The following UST variants were observed in gnomAD, a reference collection of about 807,000 sequenced individuals.
UST encodes the protein chondroitin sulfate 2-O-sulfotransferase.
In UST, 21 loss-of-function variants were observed where a neutral mutation model predicts 45.6. The observed-to-expected ratio is 0.46, with a 90% confidence interval of 0.33 to 0.66. UST has a LOEUF of 0.66. UST is among the 30% of genes least tolerant of loss of function. The pLI, the probability that UST is intolerant of heterozygous loss-of-function variation, is 0.02. For missense variants in UST, 463 were observed against 512.4 expected (o/e 0.90, Z 0.93); for synonymous variants, 215 against 200.6 (o/e 1.07, Z -0.61).
chr6:148,883,189 G>A (rs540679887), intron 1 of UST, among the ~76,000 whole-genome samples: 1 of 152,220 alleles, frequency 6.6e-6, no homozygotes, highest in Non-Finnish European at 1.5e-5. Flanking sequence ...GTGATACACT[G>A]TTCTCTTATT....
chr6:149,013,594 T>C (rs1198623664), intron 5 of UST, among the ~76,000 whole-genome samples: 1 of 152,158 alleles, frequency 6.6e-6, no homozygotes, highest in African/African-American at 2.4e-5. Flanking sequence ...ACTGAGATTA[T>C]GTAGCTGAGA....
At chr6:148,832,845 T>G (rs1332313347) in intron 1 of UST, among the ~76,000 whole-genome samples, 1 of 152,244 alleles carries the variant, frequency 6.6e-6, no homozygotes, top group Non-Finnish European at 1.5e-5. Flanking sequence ...TATTATATTC[T>G]TTGATTTGTT....
chr6:148,833,263 G>T (rs149753044), intron 1 of UST, among the ~76,000 whole-genome samples: 1 of 152,170 alleles, frequency 6.6e-6, no homozygotes, highest in South Asian at 2.1e-4. Context: ...CAGGGCGGAC[G>T]GATTGCTCGA....
At chr6:148,864,152 C>A (rs1458065245) in intron 1 of UST, among the ~76,000 whole-genome samples, 2 of 152,168 alleles carry the variant, frequency 1.3e-5, no homozygotes, top group Non-Finnish European at 2.9e-5. Context: ...TGGGCTCCAC[C>A]CAGTTTGAGC....
At chr6:148,804,288 T>TG (rs1177566808) in intron 1 of UST, among the ~76,000 whole-genome samples, 1 of 152,156 alleles carries the variant, frequency 6.6e-6, no homozygotes, top group Admixed American at 6.5e-5. Context: ...AGTTTACAGC[T>TG]GATTGTGTTT....
chr6:148,843,967 C>T (rs1264813660), intron 1 of UST, among the ~76,000 whole-genome samples: 1 of 152,154 alleles, frequency 6.6e-6, no homozygotes, highest in Non-Finnish European at 1.5e-5. Flanking sequence ...TTAGAAGGCT[C>T]AGAGTAACTT....
chr6:148,841,736 G>A (rs2114773757), intron 1 of UST, among the ~76,000 whole-genome samples: 1 of 152,240 alleles, frequency 6.6e-6, no homozygotes, highest in African/African-American at 2.4e-5. Flanking sequence ...AGTCTCTGAA[G>A]AATAAGAATG....
intron 3 of UST, among the ~76,000 whole-genome samples, chr6:148,947,111 G>A (rs560694411): frequency 6.6e-6 from 1 of 152,130 alleles, no homozygotes; most frequent in East Asian, 1.9e-4. Context: ...GAAAGCAAAC[G>A]GGGGTCAAAT....
intron 2 of UST, among the ~76,000 whole-genome samples, chr6:148,930,002 A>G (rs1364188341): frequency 3.3e-5 from 5 of 152,214 alleles, no homozygotes; most frequent in Non-Finnish European, 7.3e-5. Flanking sequence ...ATGCAAATCA[A>G]TAAGAATTGG....
At chr6:149,013,753 A>G (rs1184662376) in intron 5 of UST, among the ~76,000 whole-genome samples, 2 of 152,178 alleles carry the variant, frequency 1.3e-5, no homozygotes, top group South Asian at 2.1e-4. Flanking sequence ...GGATTCTGCT[A>G]TTGAAAGCAG....
At chr6:148,780,687 T>C (rs1582807433) in intron 1 of UST, among the ~76,000 whole-genome samples, 1 of 152,234 alleles carries the variant, frequency 6.6e-6, no homozygotes, top group Non-Finnish European at 1.5e-5. Context: ...CAGTCTGCCA[T>C]TGATGGGCAT....
At chr6:148,861,333 C>T (rs12665380) in intron 1 of UST, among the ~76,000 whole-genome samples, 38,445 of 151,844 alleles carry the variant, frequency 0.25, 5,349 homozygotes, top group East Asian at 0.57. Flanking sequence ...TCTGTGGGAT[C>T]GGTGATGATA....
chr6:149,020,926 C>T (rs1196073582), intron 6 of UST, among the ~76,000 whole-genome samples: 1 of 152,224 alleles, frequency 6.6e-6, no homozygotes, highest in East Asian at 1.9e-4. Flanking sequence ...CGGTAAGTTT[C>T]ATATTTCAAA....
chr6:148,994,816 A>C (rs968268407), intron 5 of UST, among the ~76,000 whole-genome samples: 3 of 151,966 alleles, frequency 2.0e-5, no homozygotes, highest in Non-Finnish European at 4.4e-5. Context: ...TTTCAGGGCC[A>C]AGATGAATCC....
At chr6:148,754,690 A>G (rs1275298508) in intron 1 of UST, among the ~76,000 whole-genome samples, 1 of 152,200 alleles carries the variant, frequency 6.6e-6, no homozygotes, top group African/African-American at 2.4e-5. Context: ...TGATCTTGCT[A>G]TTAATTTGGG....
At chr6:148,942,845 A>T (rs1050810853) in intron 3 of UST, among the ~76,000 whole-genome samples, 3 of 152,232 alleles carry the variant, frequency 2.0e-5, no homozygotes, top group African/African-American at 7.2e-5. Context: ...CCATTAAAAA[A>T]TCACTCAGTA....
At chr6:149,072,097 G>A (rs1040136310) in intron 7 of UST, among the ~76,000 whole-genome samples, 1 of 152,222 alleles carries the variant, frequency 6.6e-6, no homozygotes, top group Admixed American at 6.5e-5. Context: ...CACATTGCTG[G>A]TAGGAATGTA....
chr6:149,061,749 G>A (rs1776658521), intron 7 of UST, among the ~76,000 whole-genome samples: 1 of 152,196 alleles, frequency 6.6e-6, no homozygotes, highest in South Asian at 2.1e-4. Context: ...CAAAAGCCCG[G>A]GCTAAGTTCT....
intron 1 of UST, among the ~76,000 whole-genome samples, chr6:148,764,073 GTTACT>G (rs1776273356): frequency 6.6e-6 from 1 of 152,108 alleles, no homozygotes; most frequent in Non-Finnish European, 1.5e-5. Context: ...TAATCTATAT[GTTACT>G]TTGGATAGTA....
Sources: allele counts gnomAD v4.1 joint callset (sites outside exome capture counted in the v4.1 genomes callset), GRCh38; gene constraint gnomAD v4.1.1; transcripts MANE v1.5; gene names NCBI Gene and HGNC (gene_info 2026-07-23, HGNC 2026-07-21).